DENND2C: variants seen among roughly 807,000 people sequenced by gnomAD.
DENND2C encodes DENN domain-containing protein 2C.
A neutral mutation model predicts 112.4 loss-of-function variants in DENND2C; 72 were observed. The ratio of observed to expected loss-of-function variants is 0.64; its 90% CI spans 0.53 to 0.78. The LOEUF (loss-of-function observed/expected upper bound fraction) is 0.78. Ranked by LOEUF, DENND2C falls within the 30% of genes least tolerant of loss-of-function variation. DENND2C has a pLI of 0.00. For synonymous variants in DENND2C, 329 were observed against 381.6 expected (o/e 0.86, Z 1.61); for missense variants, 992 against 1,113.8 (o/e 0.89, Z 1.56).
At chr1:114,627,497 T>C (rs1656378060) in intron 3 of DENND2C, among the ~76,000 whole-genome samples, 1 of 151,616 alleles carries the variant, frequency 6.6e-6, no homozygotes, top group Admixed American at 6.6e-5. Flanking sequence ...AAGAATTCCA[T>C]CAACTTTTAT....
At position 114,611,052 on chromosome 1, in the gene DENND2C, C is replaced by T. The variant is rs377131820; in HGVS notation, c.1369+21G>A. 5.9e-5 allele frequency: 95 copies of T among 1,614,048 alleles called. No individual in the cohort carries two copies. In the East Asian group the frequency reaches 1.5e-3, roughly 26 times the overall value. On this transcript the variant is annotated intron_variant, in intron 9 of 20. Coordinates refer to ENST00000393274, the MANE Select transcript of DENND2C (RefSeq NM_001256404.2). ...CCCATGATCATCACAACAACGGGAG[C>T]AGCCCCATTGACTCACTCACTCTTT...
At chr1:114,647,703 G>A (rs1178816530) in intron 2 of DENND2C, among the ~76,000 whole-genome samples, 1 of 151,826 alleles carries the variant, frequency 6.6e-6, no homozygotes, top group East Asian at 1.9e-4. Context: ...TTACAGATGT[G>A]AGCCACTACG....
chr1:114,601,399 T>C (rs1655500828), intron 13 of DENND2C, 109 bp downstream of exon 13: 1 of 1,058,056 alleles, frequency 9.5e-7, no homozygotes, highest in Non-Finnish European at 1.4e-6. Flanking sequence ...ACGTGGTTCC[T>C]AGTTTACTAA....
In DENND2C at chr1:114,625,398, G is replaced by C. The variant is rs866596937; in HGVS notation, c.587C>G (p.Ser196Cys). The stretch of plus-strand genomic sequence containing the variant: ...TCCACATTCTTGCCCCTCAGGTTCA[G>C]AGTAAATATTTTCTAAGCTCTTGGT... ...GITKSLENIY[S>C]EPEGQECGPS... Residue 196 changes from serine to cysteine, a missense_variant, in exon 4 of 21, where the codon TCT becomes TGT. Ser to Cys is a moderately radical substitution (Grantham distance 112, BLOSUM62 -1). This residue lies in a region of DENND2C where 470 missense variants were observed against 472.7 expected (regional missense o/e 0.99). Transcript: ENST00000393274. The C allele has an allele frequency of 6.2e-7, 1 of 1,614,142 alleles. No individual in the cohort carries two copies. The highest frequency in any genetic ancestry group is 8.5e-7 in the Non-Finnish European group (1 of 1,180,012).
At position 114,592,459 on chromosome 1, in the gene DENND2C, T is replaced by C. The variant is rs554104938; in HGVS notation, c.2431+2014A>G. ...ATGGTTGGGCGCAATGGCTCACCCA[T>C]GTAATCCCACGGCTTTGAGAGGCTG... On this transcript the variant is annotated intron_variant, in intron 18 of 20. Coordinates refer to ENST00000393274, the MANE Select transcript of DENND2C (RefSeq NM_001256404.2). Among the ~76,000 whole-genome samples the C allele has an allele frequency of 8.5e-5, 13 of 152,320 alleles. No individual in the cohort carries two copies. The South Asian group carries it at 2.5e-3, about 29-fold the overall frequency.
chr1:114,665,249 G>A (rs1331853212), intron 1 of DENND2C, among the ~76,000 whole-genome samples: 1 of 142,746 alleles, frequency 7.0e-6, no homozygotes, highest in Non-Finnish European at 1.5e-5. Flanking sequence ...AGCCAGGGTA[G>A]CAGAGCAAGA....
In DENND2C at chr1:114,601,582, C is replaced by G. The variant is rs778623432; in HGVS notation, c.1741G>C (p.Val581Leu). 10 of 1,609,018 alleles carry G rather than the reference C, an allele frequency of 6.2e-6. No individual in the cohort carries two copies. The highest frequency in any genetic ancestry group is 8.5e-6 in the Non-Finnish European group (10 of 1,177,440). ...WFGYCKKLLPVGKGKRLPEVY... is the reference protein window; with the variant it reads ...WFGYCKKLLPLGKGKRLPEVY... The stretch of plus-strand genomic sequence containing the variant: ...TCAGGGAGTCGCTTTCCTTTGCCTA[C>G]TGGCTAAAAGATAAAAACAACAACA... The change falls in exon 13 of 21, where the codon GTA (valine) becomes CTA (leucine). Residue 581 changes from valine to leucine, a missense_variant. By Grantham distance (32) the Val-to-Leu change is conservative. Coordinates refer to ENST00000393274, the MANE Select transcript of DENND2C (RefSeq NM_001256404.2).
At chr1:114,616,656 T>C (rs1655980274) in intron 8 of DENND2C, among the ~76,000 whole-genome samples, 1 of 151,870 alleles carries the variant, frequency 6.6e-6, no homozygotes, top group Admixed American at 6.6e-5. Flanking sequence ...GAGTTCAAGA[T>C]CAGCCTGGCC....
At chr1:114,626,800 C>T (rs1288332800) in intron 3 of DENND2C, among the ~76,000 whole-genome samples, 1 of 152,032 alleles carries the variant, frequency 6.6e-6, no homozygotes, top group East Asian at 1.9e-4. Context: ...GCATGAGGTA[C>T]CGCACCCAGG....
chr1:114,636,639 C>G (rs907960206), intron 3 of DENND2C, among the ~76,000 whole-genome samples: 8 of 152,026 alleles, frequency 5.3e-5, no homozygotes, highest in African/African-American at 1.9e-4. Flanking sequence ...GTCATTCCAG[C>G]CTGGGTGACA....
At chr1:114,587,355 C>T (rs370613707) in intron 20 of DENND2C, 32 bp downstream of exon 20, 33 of 1,612,866 alleles carry the variant, frequency 2.0e-5, no homozygotes, top group Non-Finnish European at 2.6e-5. Flanking sequence ...TCTTCAGCCA[C>T]ATTTATCTAA....
Position 114,622,035 on chromosome 1 carries a change from T to G in DENND2C, c.1087A>C (p.Lys363Gln), listed in dbSNP as rs1322278346. 6.5e-7 allele frequency: 1 copy of G among 1,547,830 alleles called. No homozygotes were observed. Among genetic ancestry groups the G allele is most frequent in the Admixed American group, 2.0e-5 (1 of 50,086 alleles). Reference protein sequence around the residue: ...LPPKPQFLHRKTMEVKNSQAY... With the variant: ...LPPKPQFLHRQTMEVKNSQAY... Reference sequence around the variant, plus strand: ...TGTGAGTTCTTTACTTCCATAGTCTTCCGGTGAAGGAACTGAGGTTTTGGA... The same window carrying G: ...TGTGAGTTCTTTACTTCCATAGTCTGCCGGTGAAGGAACTGAGGTTTTGGA... Residue 363 changes from lysine (K) to glutamine (Q), a missense_variant, in exon 7 of 21, where the codon AAG becomes CAG. By Grantham distance (53) the Lys-to-Gln change is moderately conservative. This residue lies in a region of DENND2C where 470 missense variants were observed against 472.7 expected (regional missense o/e 0.99). Coordinates refer to ENST00000393274, the MANE Select transcript of DENND2C (RefSeq NM_001256404.2).
intron 2 of DENND2C, among the ~76,000 whole-genome samples, chr1:114,646,859 G>A (rs1014508113): frequency 6.6e-6 from 1 of 151,974 alleles, no homozygotes; most frequent in Non-Finnish European, 1.5e-5. Context: ...ATTTCACCTA[G>A]GTAAACAGAG....
chr1:114,588,404 T>G (rs1187087728), intron 18 of DENND2C: 1 of 158,058 alleles, frequency 6.3e-6, no homozygotes, highest in Admixed American at 6.2e-5. Flanking sequence ...TTTTCTCTTG[T>G]CCTTTCTTTC....
At chr1:114,639,363 G>A (rs1040213486) in intron 3 of DENND2C, among the ~76,000 whole-genome samples, 1 of 151,960 alleles carries the variant, frequency 6.6e-6, no homozygotes, top group South Asian at 2.1e-4. Context: ...GGTAGATCAC[G>A]AGGTCAGGAG....
intron 8 of DENND2C, among the ~76,000 whole-genome samples, chr1:114,614,988 T>C (rs1655924668): frequency 6.6e-6 from 1 of 150,864 alleles, no homozygotes; most frequent in African/African-American, 2.4e-5. Flanking sequence ...CACCCCAGCC[T>C]GGGCAACAGA....
At position 114,600,567 on chromosome 1, in the gene DENND2C, C is replaced by A. The variant is rs116716725; in HGVS notation, c.1957-215G>T. ...TCCTTCTGACAATAGTATATACAGT[C>A]TTCATTTATCACATGAAATTGTCAT... On this transcript the variant is annotated intron_variant, in intron 14 of 20. Coordinates refer to ENST00000393274, the MANE Select transcript of DENND2C (RefSeq NM_001256404.2). Among the ~76,000 whole-genome samples, 469 of 152,166 alleles carry A rather than the reference C, an allele frequency of 3.1e-3. 2 individuals carry two copies. The highest frequency in any genetic ancestry group is 0.01 in the African/African-American group (435 of 41,502).
At chr1:114,600,994 A>G (rs1208438928) in intron 13 of DENND2C, 34 bp from the exon 14 acceptor site, 1 of 1,582,310 alleles carries the variant, frequency 6.3e-7, no homozygotes, top group African/African-American at 1.4e-5. Flanking sequence ...ATTATGGACT[A>G]AGTTAAAAAA....
At chr1:114,652,036 G>T (rs12120232) in intron 2 of DENND2C, among the ~76,000 whole-genome samples, 37,881 of 152,026 alleles carry the variant, frequency 0.25, 5,156 homozygotes, top group Middle Eastern at 0.29. Flanking sequence ...GACAAGGTGA[G>T]GAAAGCATCC....
Sources: allele counts gnomAD v4.1 joint callset (sites outside exome capture counted in the v4.1 genomes callset), GRCh38; gene constraint gnomAD v4.1.1; regional missense constraint gnomAD v4.1.1; transcripts MANE v1.5; gene names NCBI Gene and HGNC (gene_info 2026-07-23, HGNC 2026-07-21).